Variants in TTC6 observed in about 807,000 individuals in gnomAD.
TTC6 encodes tetratricopeptide repeat domain 6, also known as tetratricopeptide repeat protein 6.
In TTC6, 172 loss-of-function variants were observed where a neutral mutation model predicts 210.4. The observed-to-expected ratio is 0.82, with a 90% CI of 0.72 to 0.93. The LOEUF (loss-of-function observed/expected upper bound fraction) is 0.93, where lower values mean the gene tolerates loss of function less well. TTC6 is among the 40% of genes least tolerant of loss of function. TTC6 has a pLI of 0.00. For missense variants in TTC6, 2,414 were observed against 2,318.1 expected (o/e 1.04, Z -0.85); for synonymous variants, 804 against 819.6 (o/e 0.98, Z 0.32).
rs563987348 is a variant in TTC6, at chr14:37,826,072, A to T, written c.4975-123A>T. 16 of 1,017,986 alleles carry T rather than the reference A, an allele frequency of 1.6e-5. No homozygotes were observed. In the East Asian group the frequency reaches 2.4e-4, roughly 16 times the overall value. 63.1% of individuals were successfully genotyped at this position (1,017,986 alleles called of 1,614,324 possible). ...TATGCCTACTTTCTGGTTTGAAAGA[A>T]CTTAGATTTAGCATGGCATAAATAT... is the stretch of plus-strand genomic sequence containing the variant. On this transcript the variant is annotated intron_variant, in intron 27 of 30. Transcript: ENST00000553443.
chr14:37,767,670 GT>G (rs1342917540), intron 14 of TTC6, among the ~76,000 whole-genome samples: 1 of 151,926 alleles, frequency 6.6e-6, no homozygotes, highest in Non-Finnish European at 1.5e-5. Flanking sequence ...TTGTAAATTT[GT>G]TTGAGTTCAT....
intron 1 of TTC6, among the ~76,000 whole-genome samples, chr14:37,668,169 G>A (rs1431845323): frequency 6.7e-6 from 1 of 150,026 alleles, no homozygotes; most frequent in Non-Finnish European, 1.5e-5. Flanking sequence ...CCTCCTGACT[G>A]CAGGATATAG....
chr14:37,636,222 A>C (rs1039719529), intron 1 of TTC6, among the ~76,000 whole-genome samples: 1 of 152,164 alleles, frequency 6.6e-6, no homozygotes, highest in African/African-American at 2.4e-5. Flanking sequence ...AACTAGACAG[A>C]AGATCTCTAA....
At chr14:37,735,592 G>T (rs2095899519) in intron 7 of TTC6, among the ~76,000 whole-genome samples, 1 of 152,254 alleles carries the variant, frequency 6.6e-6, no homozygotes, top group Middle Eastern at 3.4e-3. Flanking sequence ...TCATAATCCT[G>T]ATATTAATAT....
intron 14 of TTC6, among the ~76,000 whole-genome samples, chr14:37,769,967 G>C (rs989838186): frequency 7.9e-5 from 12 of 152,108 alleles, no homozygotes; most frequent in African/African-American, 2.9e-4. Flanking sequence ...TCTACACACT[G>C]CTTTGAATGC....
chr14:37,791,089 C>G (rs968790053), intron 16 of TTC6, among the ~76,000 whole-genome samples: 1 of 152,252 alleles, frequency 6.6e-6, no homozygotes, highest in East Asian at 1.9e-4. Flanking sequence ...GGAGTTAAAT[C>G]TATGGATAAG....
At chr14:37,790,608 A>G in intron 15 of TTC6, 109 bp from the exon 18 acceptor site, 2 of 861,638 alleles carry the variant, frequency 2.3e-6, no homozygotes, top group Non-Finnish European at 3.5e-6. Flanking sequence ...TCTATTTTAT[A>G]TAATGTTAAA....
At position 37,826,239 on chromosome 14, in the gene TTC6, C is replaced by T. The variant is rs1419078758; in HGVS notation, c.5019C>T (p.Ala1673=). Residue 1673 remains alanine, a synonymous_variant, in exon 28 of 31, where the codon GCC becomes GCT. Coordinates refer to ENST00000553443, the Ensembl canonical transcript of TTC6. ...AAGCTTGGAACCACTTTACCATTGC[C>T]ATAGATACTGATCCAAAGAACTACC... 5 of 1,610,966 alleles carry T rather than the reference C, an allele frequency of 3.1e-6. No homozygotes were observed. In the East Asian group the frequency reaches 8.9e-5, roughly 29 times the overall value.
chr14:37,720,092 C>T (rs151332422), intron 6 of TTC6, among the ~76,000 whole-genome samples: 9 of 152,110 alleles, frequency 5.9e-5, no homozygotes, highest in African/African-American at 1.4e-4. Context: ...TGAAAAGATG[C>T]GCAACATCAT....
intron 1 of TTC6, among the ~76,000 whole-genome samples, chr14:37,653,078 C>CT (rs1414677988): frequency 3.9e-5 from 6 of 152,188 alleles, no homozygotes; most frequent in East Asian, 1.9e-4. Context: ...CTCTCCTATT[C>CT]TTTTTTTTGA....
At chr14:37,741,042 A>G (rs1038273039) in intron 10 of TTC6, among the ~76,000 whole-genome samples, 2 of 152,140 alleles carry the variant, frequency 1.3e-5, no homozygotes, top group Non-Finnish European at 2.9e-5. Flanking sequence ...TGACTCTGAA[A>G]TTTGTATGTG....
intron 14 of TTC6, among the ~76,000 whole-genome samples, chr14:37,770,600 G>GT (rs2096014909): frequency 6.6e-6 from 1 of 151,930 alleles, no homozygotes; most frequent in Non-Finnish European, 1.5e-5. Flanking sequence ...TTTAAAGTCT[G>GT]TTTTATCAGA....
chr14:37,745,715 T>C (rs1326085084), intron 10 of TTC6, among the ~76,000 whole-genome samples: 1 of 152,210 alleles, frequency 6.6e-6, no homozygotes, highest in African/African-American at 2.4e-5. Context: ...ATCTGTGGAT[T>C]AGCATAAGGT....
chr14:37,694,494 A>G (rs2095810660), intron 3 of TTC6, among the ~76,000 whole-genome samples: 1 of 152,150 alleles, frequency 6.6e-6, no homozygotes, highest in Non-Finnish European at 1.5e-5. Context: ...AATTAGTACA[A>G]CCACTATGGC....
intron 10 of TTC6, among the ~76,000 whole-genome samples, chr14:37,744,803 G>T (rs1239670075): frequency 6.6e-6 from 1 of 152,134 alleles, no homozygotes. Context: ...GTTCCAGAAG[G>T]TTCGCTCTGG....
chr14:37,714,313 A>G (rs1469158072), intron 5 of TTC6, among the ~76,000 whole-genome samples: 1 of 151,922 alleles, frequency 6.6e-6, no homozygotes, highest in South Asian at 2.1e-4. Context: ...CTTTGTGTGT[A>G]TGTGTGAGCT....
chr14:37,837,943 C>T (rs148260489), intron 29 of TTC6, among the ~76,000 whole-genome samples: 1 of 152,236 alleles, frequency 6.6e-6, no homozygotes, highest in Non-Finnish European at 1.5e-5. Flanking sequence ...GTGTCCATGC[C>T]ACAGAAATGT....
intron 17 of TTC6, among the ~76,000 whole-genome samples, chr14:37,794,980 G>A (rs941356687): frequency 6.6e-5 from 10 of 151,908 alleles, no homozygotes; most frequent in African/African-American, 1.9e-4. Context: ...ACACAAACAC[G>A]TACACAATCC....
chr14:37,769,861 C>T (rs2096012293), intron 14 of TTC6, among the ~76,000 whole-genome samples: 1 of 151,878 alleles, frequency 6.6e-6, no homozygotes, highest in Admixed American at 6.6e-5. Context: ...AATGTGTTTG[C>T]TCTTGCTTTT....
Sources: gnomAD v4.1 joint callset for allele counts (sites outside exome capture counted in the v4.1 genomes callset) on GRCh38, gnomAD v4.1.1 for gene constraint, MANE v1.5 for transcripts, NCBI Gene and HGNC (gene_info 2026-07-23, HGNC 2026-07-21) for gene names.